The following PTPRD variants were observed in gnomAD, a reference collection of about 807,000 sequenced individuals.
The protein encoded by PTPRD is protein tyrosine phosphatase receptor type D.
A neutral mutation model predicts 214.5 loss-of-function variants in PTPRD; 34 were observed. The observed-to-expected ratio is 0.16, with a 90% CI of 0.12 to 0.21. The LOEUF (loss-of-function observed/expected upper bound fraction) is 0.21. PTPRD is among the 10% of genes least tolerant of loss of function. PTPRD has a pLI of 1.00. For synonymous variants in PTPRD, 1,128 were observed against 845.7 expected (o/e 1.33, Z -5.79); for missense variants, 2,545 against 2,398.7 (o/e 1.06, Z -1.27).
At chr9:10,069,208 T>C (rs1449577114) in intron 3 of PTPRD, among the ~76,000 whole-genome samples, 1 of 151,988 alleles carries the variant, frequency 6.6e-6, no homozygotes, top group African/African-American at 2.4e-5. Flanking sequence ...ATCTTCTGAA[T>C]AGACACAGGC....
At chr9:8,398,909 T>C (rs1227118747) in intron 36 of PTPRD, among the ~76,000 whole-genome samples, 1 of 152,114 alleles carries the variant, frequency 6.6e-6, no homozygotes, top group African/African-American at 2.4e-5. Context: ...GACTAAGACA[T>C]GGATCCCTAT....
chr9:8,910,969 A>T (rs2098742758), intron 11 of PTPRD, among the ~76,000 whole-genome samples: 1 of 152,208 alleles, frequency 6.6e-6, no homozygotes, highest in South Asian at 2.1e-4. Context: ...TAATGGAGAG[A>T]CATTCCATAT....
chr9:8,724,488 A>G (rs2098536720), intron 12 of PTPRD, among the ~76,000 whole-genome samples: 1 of 152,144 alleles, frequency 6.6e-6, no homozygotes, highest in Non-Finnish European at 1.5e-5. Context: ...CTCCCTCCAA[A>G]GAATTTTTCC....
At chr9:9,610,936 A>C (rs1239506405) in intron 7 of PTPRD, among the ~76,000 whole-genome samples, 1 of 152,194 alleles carries the variant, frequency 6.6e-6, no homozygotes, top group Non-Finnish European at 1.5e-5. Context: ...CAGTATGTCC[A>C]AGCACCTAGA....
intron 3 of PTPRD, among the ~76,000 whole-genome samples, chr9:10,209,580 G>GT (rs1318288507): frequency 6.6e-6 from 1 of 151,458 alleles, no homozygotes; most frequent in African/African-American, 2.4e-5. Flanking sequence ...AGTCCCTAAG[G>GT]TTTTTTTTAA....
At chr9:9,452,077 G>A (rs922985314) in intron 8 of PTPRD, among the ~76,000 whole-genome samples, 8 of 151,310 alleles carry the variant, frequency 5.3e-5, no homozygotes, top group Admixed American at 5.3e-4. Flanking sequence ...TCTCTAGCAG[G>A]AGAAACAAAT....
At chr9:8,346,824 T>A (rs372076962) in intron 39 of PTPRD, among the ~76,000 whole-genome samples, 33 of 152,236 alleles carry the variant, frequency 2.2e-4, no homozygotes, top group African/African-American at 7.7e-4. Context: ...TATGCTGAGG[T>A]TGCTAAGATC....
At chr9:9,367,794 C>A (rs1451742824) in intron 9 of PTPRD, among the ~76,000 whole-genome samples, 1 of 151,630 alleles carries the variant, frequency 6.6e-6, no homozygotes, top group Non-Finnish European at 1.5e-5. Flanking sequence ...CTGAGAAGCA[C>A]CAAATTGCTG....
chr9:9,743,834 G>A (rs1417292173), intron 6 of PTPRD, among the ~76,000 whole-genome samples: 1 of 150,382 alleles, frequency 6.6e-6, no homozygotes, highest in Non-Finnish European at 1.5e-5. Context: ...ATTTCTATTT[G>A]ACTCTCTATA....
At chr9:9,686,140 G>A (rs1026028820) in intron 7 of PTPRD, among the ~76,000 whole-genome samples, 2 of 151,122 alleles carry the variant, frequency 1.3e-5, no homozygotes, top group Non-Finnish European at 3.0e-5. Flanking sequence ...TGTTGTTGCT[G>A]TTGTTGAAAT....
At chr9:8,437,566 G>A (rs2095404463) in intron 34 of PTPRD, among the ~76,000 whole-genome samples, 1 of 152,128 alleles carries the variant, frequency 6.6e-6, no homozygotes, top group Non-Finnish European at 1.5e-5. Context: ...GATTGTAGAG[G>A]TTGGGGTTGC....
At chr9:9,550,132 A>G (rs1311354494) in intron 8 of PTPRD, among the ~76,000 whole-genome samples, 1 of 152,060 alleles carries the variant, frequency 6.6e-6, no homozygotes, top group South Asian at 2.1e-4. Flanking sequence ...TCATCTTATC[A>G]GTTGAAGGCC....
intron 11 of PTPRD, among the ~76,000 whole-genome samples, chr9:8,790,330 A>G (rs2096176197): frequency 6.6e-6 from 1 of 152,128 alleles, no homozygotes; most frequent in Non-Finnish European, 1.5e-5. Flanking sequence ...TTATAAAAAA[A>G]TAAATAAATT....
chr9:10,604,480 G>A (rs1259977436), intron 2 of PTPRD, among the ~76,000 whole-genome samples: 1 of 151,712 alleles, frequency 6.6e-6, no homozygotes, highest in Non-Finnish European at 1.5e-5. Flanking sequence ...AAATAAAAAG[G>A]AAGGAATATC....
intron 3 of PTPRD, among the ~76,000 whole-genome samples, chr9:10,266,915 G>T (rs893514264): frequency 6.6e-6 from 1 of 152,024 alleles, no homozygotes; most frequent in Non-Finnish European, 1.5e-5. Flanking sequence ...AGGGGGTTGG[G>T]CATGGTGGCT....
At chr9:9,280,835 G>A (rs1406836582) in intron 9 of PTPRD, among the ~76,000 whole-genome samples, 1 of 151,128 alleles carries the variant, frequency 6.6e-6, no homozygotes, top group Admixed American at 6.6e-5. Flanking sequence ...AATATTGAAG[G>A]AAAAGGTGGA....
At chr9:9,467,006 T>C (rs547360740) in intron 8 of PTPRD, among the ~76,000 whole-genome samples, 21 of 152,216 alleles carry the variant, frequency 1.4e-4, no homozygotes, top group Non-Finnish European at 5.9e-5. Flanking sequence ...TTCCTAAGTC[T>C]TTCCACTCAT....
intron 7 of PTPRD, among the ~76,000 whole-genome samples, chr9:9,719,747 G>T (rs761027411): frequency 1.3e-5 from 2 of 152,172 alleles, no homozygotes; most frequent in Admixed American, 1.3e-4. Flanking sequence ...GTGTCATTCG[G>T]TAACACCCTC....
chr9:9,332,940 T>C (rs2042895595), intron 9 of PTPRD, among the ~76,000 whole-genome samples: 1 of 152,008 alleles, frequency 6.6e-6, no homozygotes, highest in African/African-American at 2.4e-5. Context: ...TTCTCTTATG[T>C]TAGTTAGTGT....
Sources: allele counts gnomAD v4.1 joint callset (sites outside exome capture counted in the v4.1 genomes callset), GRCh38; gene constraint gnomAD v4.1.1; transcripts MANE v1.5; gene names NCBI Gene and HGNC (gene_info 2026-07-23, HGNC 2026-07-21).